WWOX: variants seen among roughly 807,000 people sequenced by gnomAD.
The protein encoded by WWOX is WW domain-containing oxidoreductase.
Under a neutral mutation model 46.2 loss-of-function variants are expected in WWOX, and 69 were observed. That is an observed-to-expected ratio of 1.49 (90% CI 1.23 to 1.82). The LOEUF (loss-of-function observed/expected upper bound fraction) is 1.82. Among genes scored for constraint, WWOX ranks in the 40% most tolerant of loss-of-function variants. The pLI, the probability that WWOX is intolerant of heterozygous loss-of-function variation, is 0.00. For synonymous variants in WWOX, 359 were observed against 202.6 expected (o/e 1.77, Z -6.56); for missense variants, 919 against 542.6 (o/e 1.69, Z -6.89).
At chr16:78,283,785 G>C (rs2079723629) in intron 5 of WWOX, among the ~76,000 whole-genome samples, 1 of 152,068 alleles carries the variant, frequency 6.6e-6, no homozygotes, top group African/African-American at 2.4e-5. Flanking sequence ...GCTAAATTCA[G>C]CTACGTCAAG....
chr16:78,760,056 A>G (rs1471180723), intron 8 of WWOX, among the ~76,000 whole-genome samples: 1 of 152,192 alleles, frequency 6.6e-6, no homozygotes, highest in African/African-American at 2.4e-5. Flanking sequence ...AGTGATAAAG[A>G]CATACCCAAA....
At chr16:78,393,591 G>C (rs565782624) in intron 6 of WWOX, among the ~76,000 whole-genome samples, 34 of 152,278 alleles carry the variant, frequency 2.2e-4, no homozygotes, top group African/African-American at 7.7e-4. Flanking sequence ...AGTTGGTGAC[G>C]ACACCTGAGA....
intron 8 of WWOX, among the ~76,000 whole-genome samples, chr16:78,877,444 T>A (rs1222150279): frequency 2.6e-5 from 4 of 152,196 alleles, no homozygotes; most frequent in Non-Finnish European, 5.9e-5. Flanking sequence ...CACCATGAGC[T>A]GTTCTTCTCC....
intron 8 of WWOX, among the ~76,000 whole-genome samples, chr16:78,547,913 A>T (rs1023304381): frequency 6.6e-6 from 1 of 152,088 alleles, no homozygotes; most frequent in East Asian, 1.9e-4. Context: ...GCACTTTGGG[A>T]GGCTGAGATG....
intron 5 of WWOX, among the ~76,000 whole-genome samples, chr16:78,358,533 C>T (rs185693222): frequency 6.6e-6 from 1 of 152,240 alleles, no homozygotes; most frequent in East Asian, 1.9e-4. Context: ...TGGCACATGC[C>T]TGTAATCCCA....
chr16:78,182,362 C>G (rs1488207990), intron 5 of WWOX, among the ~76,000 whole-genome samples: 1 of 152,108 alleles, frequency 6.6e-6, no homozygotes, highest in Non-Finnish European at 1.5e-5. Context: ...TGGCCATTCT[C>G]TTTCTTGTTC....
chr16:78,793,578 T>C (rs1049992595), intron 8 of WWOX, among the ~76,000 whole-genome samples: 1 of 152,184 alleles, frequency 6.6e-6, no homozygotes, highest in East Asian at 1.9e-4. Flanking sequence ...AACACAGCTG[T>C]AGTACATAAG....
intron 8 of WWOX, among the ~76,000 whole-genome samples, chr16:79,086,575 G>A (rs1361508378): frequency 6.6e-6 from 1 of 152,128 alleles, no homozygotes; most frequent in African/African-American, 2.4e-5. Flanking sequence ...TGACTCTGGG[G>A]TGTGGATAAA....
chr16:78,393,948 T>C (rs553206629), intron 6 of WWOX, among the ~76,000 whole-genome samples: 1 of 152,204 alleles, frequency 6.6e-6, no homozygotes, highest in African/African-American at 2.4e-5. Context: ...ATTTTCATTT[T>C]CTGCTAAATT....
At chr16:78,425,340 G>A (rs2083051931) in intron 7 of WWOX, among the ~76,000 whole-genome samples, 1 of 152,094 alleles carries the variant, frequency 6.6e-6, no homozygotes, top group Admixed American at 6.5e-5. Context: ...AATCTGAATG[G>A]CATGACCTTT....
chr16:78,299,891 T>G (rs928364742), intron 5 of WWOX, among the ~76,000 whole-genome samples: 3 of 152,068 alleles, frequency 2.0e-5, no homozygotes, highest in African/African-American at 7.2e-5. Flanking sequence ...GGACTAAAAT[T>G]TGGGGCAGGT....
intron 8 of WWOX, among the ~76,000 whole-genome samples, chr16:78,688,709 G>A (rs1398756834): frequency 6.6e-6 from 1 of 152,122 alleles, no homozygotes; most frequent in African/African-American, 2.4e-5. Context: ...GAGGGAGAGT[G>A]CTCCTGGCAT....
At chr16:78,659,145 C>T (rs1377043667) in intron 8 of WWOX, among the ~76,000 whole-genome samples, 1 of 151,424 alleles carries the variant, frequency 6.6e-6, no homozygotes, top group Non-Finnish European at 1.5e-5. Flanking sequence ...CTGGTGCACA[C>T]ATAAATTTGG....
chr16:78,628,548 T>G (rs1597369339), intron 8 of WWOX, among the ~76,000 whole-genome samples: 2 of 152,308 alleles, frequency 1.3e-5, no homozygotes, highest in East Asian at 3.9e-4. Flanking sequence ...TTCCTTTTTT[T>G]GTATGCCTCC....
At chr16:78,240,701 CG>C (rs1264794631) in intron 5 of WWOX, among the ~76,000 whole-genome samples, 3 of 152,090 alleles carry the variant, frequency 2.0e-5, no homozygotes, top group African/African-American at 7.2e-5. Context: ...CCAGAGCAGC[CG>C]TCTCGTGTTA....
chr16:78,796,825 T>C (rs1430886716), intron 8 of WWOX, among the ~76,000 whole-genome samples: 4 of 129,420 alleles, frequency 3.1e-5, no homozygotes, highest in Non-Finnish European at 6.5e-5. Context: ...CTTTATCTTC[T>C]TCTTTTTTTT....
intron 8 of WWOX, among the ~76,000 whole-genome samples, chr16:78,974,433 T>C (rs1489626204): frequency 6.6e-6 from 1 of 152,158 alleles, no homozygotes; most frequent in Non-Finnish European, 1.5e-5. Context: ...TCTTGGTAAA[T>C]TGTTCAGCCT....
intron 6 of WWOX, among the ~76,000 whole-genome samples, chr16:78,392,772 G>C (rs77044644): frequency 0.022 from 3,388 of 152,238 alleles, 110 homozygotes; most frequent in East Asian, 0.065. Flanking sequence ...TCGTCCAAGA[G>C]TACACACAGG....
intron 8 of WWOX, among the ~76,000 whole-genome samples, chr16:78,586,790 G>A (rs1362574768): frequency 1.2e-4 from 19 of 152,186 alleles, no homozygotes; most frequent in Non-Finnish European, 5.9e-5. Context: ...TAAGTAATGT[G>A]CCCAGTATCA....
Sources: allele counts gnomAD v4.1 joint callset (sites outside exome capture counted in the v4.1 genomes callset), GRCh38; gene constraint gnomAD v4.1.1; transcripts MANE v1.5; gene names NCBI Gene and HGNC (gene_info 2026-07-23, HGNC 2026-07-21).